The following PRKAA1 variants were observed in gnomAD, a reference collection of about 807,000 sequenced individuals.
The protein encoded by PRKAA1 is protein kinase AMP-activated catalytic subunit alpha 1, also known as 5'-AMP-activated protein kinase catalytic subunit alpha-1.
A neutral mutation model predicts 56.9 loss-of-function variants in PRKAA1; 23 were observed. The ratio of observed to expected loss-of-function variants is 0.40; its 90% CI spans 0.29 to 0.57. The LOEUF (loss-of-function observed/expected upper bound fraction) is 0.57, where lower values mean the gene tolerates loss of function less well. PRKAA1 is among the 20% of genes least tolerant of loss of function. The pLI, the probability that PRKAA1 is intolerant of heterozygous loss-of-function variation, is 0.39. For missense variants in PRKAA1, 413 were observed against 679.7 expected, an observed-to-expected ratio of 0.61 and a Z score of 4.36; for synonymous variants, 226 against 227.0, an observed-to-expected ratio of 1.00 and a Z score of 0.04.
intron 5 of PRKAA1, chr5:40,768,651 G>T: frequency 4.3e-6 from 5 of 1,169,940 alleles, no homozygotes; most frequent in Non-Finnish European, 5.3e-6. Context: ...TATAAAAATA[G>T]AAAATACTAC....
intron 6 of PRKAA1, among the ~76,000 whole-genome samples, chr5:40,765,654 G>C (rs114236461): frequency 4.7e-4 from 72 of 152,202 alleles, no homozygotes; most frequent in Non-Finnish European, 8.4e-4. Flanking sequence ...TATATGCTAA[G>C]TTTTATGCTA....
chr5:40,777,313 T>C, intron 2 of PRKAA1, 132 bp downstream of exon 2: 1 of 1,041,140 alleles, frequency 9.6e-7, no homozygotes, highest in Non-Finnish European at 1.4e-6. Flanking sequence ...GCACACAGCC[T>C]AGGAAGAAAC....
chr5:40,792,220 ACT>A lies in PRKAA1; in HGVS notation c.127+5841_127+5842del, dbSNP rs1293218867. Among the ~76,000 whole-genome samples, 5 of 152,320 alleles carry A rather than the reference ACT, an allele frequency of 3.3e-5. No individual in the cohort carries two copies. In the East Asian group the frequency reaches 7.7e-4, roughly 23 times the overall value. On this transcript the variant is annotated intron_variant, in intron 1 of 8. Transcript: ENST00000397128. ...CATAAGTGGTAGGCATATTGAACAC[ACT>A]GTTCTACTTTTTCCTCTTAAAAATA... is the stretch of plus-strand genomic sequence containing the variant.
intron 1 of PRKAA1, among the ~76,000 whole-genome samples, chr5:40,785,874 AG>A (rs1744457643): frequency 6.9e-6 from 1 of 144,856 alleles, no homozygotes; most frequent in South Asian, 2.2e-4. Flanking sequence ...AGAGAGAGAG[AG>A]AGAGCAAGCG....
intron 1 of PRKAA1, among the ~76,000 whole-genome samples, chr5:40,794,898 T>G (rs1744857023): frequency 6.6e-6 from 1 of 150,760 alleles, no homozygotes; most frequent in Non-Finnish European, 1.5e-5. Context: ...AAAAGATACT[T>G]GCACATGCAT....
In PRKAA1 at chr5:40,764,809, T is replaced by C. The variant is rs548247085; in HGVS notation, c.1251A>G (p.Pro417=). 6.2e-7 allele frequency: 1 copy of C among 1,614,038 alleles called. No homozygotes were observed. Among genetic ancestry groups the C allele is most frequent in the African/African-American group, 1.3e-5 (1 of 75,072 alleles). The change falls in exon 7 of 9, where the codon CCA becomes CCG. Residue 417 remains proline (P), a synonymous_variant. Coordinates refer to ENST00000397128, the MANE Select transcript of PRKAA1 (RefSeq NM_006251.6). The part of the protein sequence containing the change: ...WHLGIRSQSR[P]NDIMAEVCRA... Reference sequence around the variant, plus strand: ...TACATACTTCTGCCATAATATCATTTGGTCGACTTTGACTTCTAATTCCTA... The same window carrying C: ...TACATACTTCTGCCATAATATCATTCGGTCGACTTTGACTTCTAATTCCTA...
intron 1 of PRKAA1, among the ~76,000 whole-genome samples, chr5:40,793,075 A>C (rs1015075899): frequency 6.6e-6 from 1 of 152,078 alleles, no homozygotes; most frequent in South Asian, 2.1e-4. Context: ...CTCAAAAAAA[A>C]AAAAAGAAAA....
intron 1 of PRKAA1, among the ~76,000 whole-genome samples, chr5:40,781,285 T>C (rs1482840737): frequency 6.6e-6 from 1 of 152,162 alleles, no homozygotes; most frequent in Admixed American, 6.5e-5. Context: ...GGGGATATGA[T>C]CACCAGTAGA....
intron 6 of PRKAA1, among the ~76,000 whole-genome samples, chr5:40,766,176 C>T (rs1743425513): frequency 1.3e-5 from 2 of 152,132 alleles, no homozygotes; most frequent in South Asian, 4.1e-4. Context: ...GTGATAAAAT[C>T]ATGCCGTGCC....
At position 40,771,932 on chromosome 5, in the gene PRKAA1, C is replaced by G. The variant is rs546198186; in HGVS notation, c.364-69G>C. Reference sequence around the variant, plus strand: ...GTAAATTGTCCTATCTATAATTCTCCAACCTATAAAATTGTCAAAATACAT... The same window carrying G: ...GTAAATTGTCCTATCTATAATTCTCGAACCTATAAAATTGTCAAAATACAT... On this transcript the variant is annotated intron_variant, in intron 3 of 8. Coordinates refer to ENST00000397128, the MANE Select transcript of PRKAA1 (RefSeq NM_006251.6). The G allele has an allele frequency of 1.0e-3, 1,541 of 1,528,252 alleles. 3 individuals carry two copies. Among genetic ancestry groups the G allele is most frequent in the Non-Finnish European group, 1.3e-3 (1,483 of 1,130,804 alleles). 94.7% of individuals were successfully genotyped at this position (1,528,252 alleles called of 1,614,324 possible).
At chr5:40,790,230 A>C (rs1181829071) in intron 1 of PRKAA1, 1 of 152,238 alleles carries the variant, frequency 6.6e-6, no homozygotes, top group Non-Finnish European at 1.5e-5. Flanking sequence ...TATGATATTC[A>C]CCATTAAAAT....
chr5:40,779,703 C>T (rs1320970856), intron 1 of PRKAA1, among the ~76,000 whole-genome samples: 5 of 152,072 alleles, frequency 3.3e-5, no homozygotes, highest in African/African-American at 9.7e-5. Context: ...GGGTCACTAC[C>T]GTTTGCACAA....
intron 1 of PRKAA1, among the ~76,000 whole-genome samples, chr5:40,797,587 G>C (rs1020612304): frequency 6.6e-6 from 1 of 152,190 alleles, no homozygotes; most frequent in Non-Finnish European, 1.5e-5. Context: ...AGCAGGGGCC[G>C]GTAAATCGAC....
intron 8 of PRKAA1, 121 bp downstream of exon 8, chr5:40,764,393 T>A: frequency 1.0e-6 from 1 of 963,802 alleles, no homozygotes; most frequent in Non-Finnish European, 1.5e-6. Context: ...AGAAATCACA[T>A]TTTTTATTCC....
In PRKAA1 at chr5:40,764,785, A is replaced by G. The variant is rs780955860; in HGVS notation, c.1275T>C (p.Cys425=). 42 of 1,613,730 alleles carry G rather than the reference A, an allele frequency of 2.6e-5. No individual in the cohort carries two copies. The highest frequency in any genetic ancestry group is 3.6e-5 in the Non-Finnish European group (42 of 1,179,758). ...CATAATCCAATTGTTTGATTGCTCT[A>G]CATACTTCTGCCATAATATCATTTG... is the stretch of plus-strand genomic sequence containing the variant. ...SRPNDIMAEV[C]RAIKQLDYEW... Residue 425 remains cysteine (C), a synonymous_variant, in exon 7 of 9, where the codon TGT becomes TGC. Coordinates refer to ENST00000397128, the MANE Select transcript of PRKAA1 (RefSeq NM_006251.6).
At position 40,798,283 on chromosome 5, in the gene PRKAA1, G is replaced by C; in HGVS notation, c.-94C>G. The C allele has an allele frequency of 1.4e-6, 1 of 715,752 alleles. No homozygotes were observed. Among genetic ancestry groups the C allele is most frequent in the Non-Finnish European group, 2.0e-6 (1 of 507,778 alleles). 44.3% of individuals were successfully genotyped at this position (715,752 alleles called of 1,614,324 possible). A position where few individuals can be genotyped will look rare whatever the true frequency, so the allele number is the denominator to read the frequency against. On this transcript the variant is annotated 5_prime_UTR_variant, in exon 1 of 9. Coordinates refer to ENST00000397128, the MANE Select transcript of PRKAA1 (RefSeq NM_006251.6). ...CGCGGGAGGGCAGCCACCGAGCCGAGTCACCGCCCTGCGCCGCCAGCCCAG... is the reference window on the plus strand; with the variant it reads ...CGCGGGAGGGCAGCCACCGAGCCGACTCACCGCCCTGCGCCGCCAGCCCAG...
Position 40,762,832 on chromosome 5 carries a change from G to A in PRKAA1, c.1626C>T (p.His542=). Reference sequence around the variant, plus strand: ...CACACATCTCAAAAAATTCTATTGTGTGACTTCCAGGTCTTGGAGTTAGGT... The same window carrying A: ...CACACATCTCAAAAAATTCTATTGTATGACTTCCAGGTCTTGGAGTTAGGT... ...PVDLTPRPGS[H]TIEFFEMCAN... is the part of the protein sequence containing the mutation. Residue 542 remains histidine (H), a synonymous_variant, in exon 9 of 9, where the codon CAC becomes CAT. Coordinates refer to ENST00000397128, the MANE Select transcript of PRKAA1 (RefSeq NM_006251.6). 1.9e-6 allele frequency: 3 copies of A among 1,614,122 alleles called. No individual in the cohort carries two copies. The highest frequency in any genetic ancestry group is 1.7e-5 in the Admixed American group (1 of 60,018).
At chr5:40,776,779 C>T (rs796272812) in intron 2 of PRKAA1, among the ~76,000 whole-genome samples, 3 of 152,258 alleles carry the variant, frequency 2.0e-5, no homozygotes, top group East Asian at 3.9e-4. Flanking sequence ...TTTCTACTAC[C>T]GCATTCTCAC....
chr5:40,786,786 C>CAAAAAAAAAAAA (rs34749478), intron 1 of PRKAA1, among the ~76,000 whole-genome samples: 2 of 43,512 alleles, frequency 4.6e-5, no homozygotes, highest in African/African-American at 9.1e-5. Context: ...ACTAAAAATA[C>CAAAAAAAAAAAA]AAAAAAAAAA....
Sources: allele counts gnomAD v4.1 joint callset (sites outside exome capture counted in the v4.1 genomes callset), GRCh38; gene constraint gnomAD v4.1.1; transcripts MANE v1.5; gene names NCBI Gene and HGNC (gene_info 2026-07-23, HGNC 2026-07-21).